Variants in AGO2 observed in about 807,000 individuals in gnomAD.
AGO2 encodes argonaute RISC catalytic component 2.
In AGO2, 5 loss-of-function variants were observed where a neutral mutation model predicts 102.3. That is an observed-to-expected ratio of 0.05 (90% CI 0.03 to 0.10). The LOEUF (loss-of-function observed/expected upper bound fraction) is 0.10. AGO2 is among the 10% of genes least tolerant of loss of function. The probability of loss-of-function intolerance (pLI) is 1.00; values close to 1 mark genes in which losing one functional copy is unlikely to be tolerated. For synonymous variants in AGO2, 449 were observed against 473.1 expected, an observed-to-expected ratio of 0.95 and a Z score of 0.66; for missense variants, 541 against 1,183.7, an observed-to-expected ratio of 0.46 and a Z score of 7.97.
At chr8:140,541,807 G>A (rs2072802824) in intron 14 of AGO2, among the ~76,000 whole-genome samples, 1 of 152,092 alleles carries the variant, frequency 6.6e-6, no homozygotes, top group Admixed American at 6.5e-5. Context: ...GGAGGCTGAG[G>A]CAGGAAAACT....
chr8:140,613,491 G>A (rs2074106047), intron 1 of AGO2, among the ~76,000 whole-genome samples: 1 of 152,124 alleles, frequency 6.6e-6, no homozygotes. Context: ...GGTCTTCGGG[G>A]TTCTCAATAA....
chr8:140,526,711 C>T lies in AGO2; in HGVS notation c.*5333G>A, dbSNP rs918970274. 19 of 152,088 alleles carry T rather than the reference C, an allele frequency of 1.2e-4. No individual in the cohort carries two copies. The highest frequency in any genetic ancestry group is 9.7e-5 in the African/African-American group (4 of 41,384). 9.4% of individuals were successfully genotyped at this position (152,088 alleles called of 1,614,324 possible). ...GGAACCACCTTCTGTAGTGATTTGG[C>T]TAAGCCAATACATTCACTTTAGACA... On this transcript the variant is annotated 3_prime_UTR_variant, in exon 19 of 19. Transcript: ENST00000220592. This position sits in a 1 kb window ranked among gnomAD's most constrained non-coding sequence, Gnocchi z 5.2.
intron 18 of AGO2, 115 bp downstream of exon 18, chr8:140,532,301 G>A (rs917848995): frequency 4.7e-5 from 67 of 1,419,326 alleles, no homozygotes; most frequent in Non-Finnish European, 6.3e-5. Flanking sequence ...CAGGCCTTCT[G>A]GGGTGCCGGC....
chr8:140,593,900 T>C (rs2133035383), intron 1 of AGO2, among the ~76,000 whole-genome samples: 1 of 152,246 alleles, frequency 6.6e-6, no homozygotes, highest in East Asian at 1.9e-4. Flanking sequence ...ATAACAACTA[T>C]GCTTAAATCA....
At chr8:140,628,766 AAAT>A (rs1235294505) in intron 1 of AGO2, among the ~76,000 whole-genome samples, 2 of 150,862 alleles carry the variant, frequency 1.3e-5, no homozygotes, top group Admixed American at 6.6e-5. Flanking sequence ...CCCCACCTCA[AAAT>A]AATAATAGCA....
Position 140,531,889 on chromosome 8 carries a change from G to A in AGO2, c.*155C>T, listed in dbSNP as rs2072601750. On this transcript the variant is annotated 3_prime_UTR_variant, in exon 19 of 19. Transcript: ENST00000220592. ...TTCAAAATCCAAGTTTGAAATCTGGGACGGAAGGCATTCTGGAAAACGGAG... is the reference window on the plus strand; with the variant it reads ...TTCAAAATCCAAGTTTGAAATCTGGAACGGAAGGCATTCTGGAAAACGGAG... The A allele has an allele frequency of 1.5e-6, 1 of 660,478 alleles. No individual in the cohort carries two copies. The allele number at this position is 660,478 out of a possible 1,614,324, so 40.9% of individuals were successfully genotyped here.
chr8:140,573,002 T>C, intron 2 of AGO2, 70 bp from the exon 3 acceptor site: 1 of 1,514,844 alleles, frequency 6.6e-7, no homozygotes. Flanking sequence ...GACATTTTTC[T>C]GACGCTATTT....
intron 2 of AGO2, among the ~76,000 whole-genome samples, chr8:140,581,946 T>C (rs539815976): frequency 3.9e-5 from 6 of 152,280 alleles, no homozygotes; most frequent in Admixed American, 2.0e-4. Context: ...ATCAACACTA[T>C]ACTCAACAGC....
intron 1 of AGO2, among the ~76,000 whole-genome samples, chr8:140,632,677 G>T (rs909457693): frequency 6.6e-6 from 1 of 152,164 alleles, no homozygotes; most frequent in African/African-American, 2.4e-5. Flanking sequence ...ATCAGTGAAG[G>T]TTCAAGGTCA....
In AGO2 at chr8:140,635,616, G is replaced by A; in HGVS notation, c.-110C>T. On this transcript the variant is annotated 5_prime_UTR_variant, in exon 1 of 19. Transcript: ENST00000220592. Reference sequence around the variant, plus strand: ...CCGGCCGCACGATCCGCCCCGGCGCGGCCGCCTCGCCAAACAGGTTTACCC... The same window carrying A: ...CCGGCCGCACGATCCGCCCCGGCGCAGCCGCCTCGCCAAACAGGTTTACCC... 1 of 797,982 alleles carries A rather than the reference G, an allele frequency of 1.3e-6. No homozygotes were observed. The allele number at this position is 797,982 out of a possible 1,614,324, so 49.4% of individuals were successfully genotyped here.
chr8:140,635,231 C>A (rs2074391173), intron 1 of AGO2, among the ~76,000 whole-genome samples: 1 of 146,186 alleles, frequency 6.8e-6, no homozygotes, highest in Admixed American at 6.8e-5. Context: ...CCGCGCGGGG[C>A]GCCCCGACGA....
At chr8:140,538,644 GC>G (rs1293567519) in intron 16 of AGO2, among the ~76,000 whole-genome samples, 1 of 152,178 alleles carries the variant, frequency 6.6e-6, no homozygotes, top group East Asian at 1.9e-4. Flanking sequence ...ACAGGGACCT[GC>G]CGGGAGGGTC....
In AGO2 at chr8:140,528,265, G is replaced by T. The variant is rs2072536104; in HGVS notation, c.*3779C>A. ...GAAATAATTTCTATCATATCCATTA[G>T]GTACCACATGCACTGGAATATCTGT... On this transcript the variant is annotated 3_prime_UTR_variant, in exon 19 of 19. Transcript: ENST00000220592. The surrounding 1 kb of genome is among the most constrained non-coding windows in gnomAD (Gnocchi z 4.5). 1.3e-5 allele frequency: 2 copies of T among 152,108 alleles called. No homozygotes were observed. Among genetic ancestry groups the T allele is most frequent in the African/African-American group, 4.8e-5 (2 of 41,402 alleles). 9.4% of individuals were successfully genotyped at this position (152,108 alleles called of 1,614,324 possible). A position where few individuals can be genotyped will look rare whatever the true frequency, so the allele number is the denominator to read the frequency against.
intron 10 of AGO2, among the ~76,000 whole-genome samples, chr8:140,553,306 C>A (rs2073034038): frequency 6.6e-6 from 1 of 152,070 alleles, no homozygotes; most frequent in Non-Finnish European, 1.5e-5. Flanking sequence ...AACGCTTGAG[C>A]CCGGAAGGTC....
rs3735797 is a variant in AGO2 at position 140,530,727 on chromosome 8, G to A, written c.*1317C>T. ...GGCAAGCTCCTTCGCTGTGACCGAC[G>A]GCCTCACGCCCAGCAGAGCCACCAC... On this transcript the variant is annotated 3_prime_UTR_variant, in exon 19 of 19. Coordinates refer to ENST00000220592, the MANE Select transcript of AGO2 (RefSeq NM_012154.5). 0.12 allele frequency: 18,794 copies of A among 152,282 alleles called. 1,871 individuals are homozygous for A. The highest frequency in any genetic ancestry group is 0.28 in the African/African-American group (11,646 of 41,492). The allele number at this position is 152,282 out of a possible 1,614,324, so 9.4% of individuals were successfully genotyped here.
At chr8:140,549,050 C>T in intron 12 of AGO2, 64 bp downstream of exon 12, 1 of 1,521,006 alleles carries the variant, frequency 6.6e-7, no homozygotes, top group Admixed American at 1.9e-5. Context: ...GGGGCTTAGG[C>T]AGGAACAAAC....
intron 10 of AGO2, among the ~76,000 whole-genome samples, chr8:140,552,720 G>A (rs1469166529): frequency 1.4e-5 from 2 of 146,160 alleles, no homozygotes; most frequent in African/African-American, 2.5e-5. Context: ...ATGAACACAC[G>A]CACATGCACG....
intron 1 of AGO2, among the ~76,000 whole-genome samples, chr8:140,594,060 G>A (rs924479172): frequency 1.1e-4 from 16 of 152,056 alleles, no homozygotes; most frequent in African/African-American, 3.9e-4. Flanking sequence ...CTACCTCAAC[G>A]CACGATGCCA....
At chr8:140,547,190 G>A (rs926670791) in intron 13 of AGO2, among the ~76,000 whole-genome samples, 2 of 152,214 alleles carry the variant, frequency 1.3e-5, no homozygotes, top group African/African-American at 4.8e-5. Flanking sequence ...GCCATCCAAG[G>A]CATGCCCTGC....
Sources: allele counts gnomAD v4.1 joint callset (sites outside exome capture counted in the v4.1 genomes callset), GRCh38; gene constraint gnomAD v4.1.1; non-coding constraint Gnocchi (gnomAD v3.1); transcripts MANE v1.5; gene names NCBI Gene and HGNC (gene_info 2026-07-23, HGNC 2026-07-21).